Variants in XKR4 observed in about 807,000 individuals in gnomAD.
XKR4 encodes the protein XK-related protein 4.
A neutral mutation model predicts 53.9 loss-of-function variants in XKR4; 12 were observed. The observed-to-expected ratio is 0.22, with a 90% CI of 0.14 to 0.36. XKR4 has a LOEUF of 0.36. Ranked by LOEUF, XKR4 falls within the 10% of genes least tolerant of loss-of-function variation. The pLI is 1.00. For missense variants in XKR4, 799 were observed against 859.5 expected (o/e 0.93, Z 0.88); for synonymous variants, 354 against 362.4 (o/e 0.98, Z 0.26).
intron 1 of XKR4, among the ~76,000 whole-genome samples, chr8:55,286,038 C>T (rs943655678): frequency 3.3e-5 from 5 of 152,146 alleles, no homozygotes; most frequent in Non-Finnish European, 4.4e-5. Flanking sequence ...GTCTATCTGC[C>T]GAGCTGCACA....
At chr8:55,499,895 A>G (rs545808441) in intron 2 of XKR4, among the ~76,000 whole-genome samples, 4 of 152,282 alleles carry the variant, frequency 2.6e-5, no homozygotes, top group African/African-American at 7.2e-5. Context: ...GAATTTCTCA[A>G]TCCCTAGGTG....
chr8:55,147,607 C>T (rs1816788902), intron 1 of XKR4, among the ~76,000 whole-genome samples: 1 of 152,130 alleles, frequency 6.6e-6, no homozygotes, highest in Non-Finnish European at 1.5e-5. Flanking sequence ...CCTGCTTGTC[C>T]CTTTCCCAGG....
At chr8:55,230,494 G>A (rs1015451170) in intron 1 of XKR4, among the ~76,000 whole-genome samples, 3 of 151,518 alleles carry the variant, frequency 2.0e-5, no homozygotes, top group African/African-American at 7.3e-5. Context: ...TCAGCCTCCC[G>A]AGTAGCTGGG....
At chr8:55,498,657 C>G (rs2129403147) in intron 2 of XKR4, among the ~76,000 whole-genome samples, 1 of 152,260 alleles carries the variant, frequency 6.6e-6, no homozygotes, top group East Asian at 1.9e-4. Context: ...CCTGTAGTCC[C>G]AGCTACTCAG....
At chr8:55,349,248 C>T (rs913015270) in intron 1 of XKR4, among the ~76,000 whole-genome samples, 1 of 152,166 alleles carries the variant, frequency 6.6e-6, no homozygotes, top group Non-Finnish European at 1.5e-5. Context: ...TTGTTCAGAA[C>T]TGAAGTCCTT....
At chr8:55,521,184 T>C (rs1320892713) in intron 2 of XKR4, among the ~76,000 whole-genome samples, 3 of 152,170 alleles carry the variant, frequency 2.0e-5, no homozygotes, top group Non-Finnish European at 4.4e-5. Context: ...GGGAGCATAG[T>C]CTAGTGAGAA....
chr8:55,417,054 T>A (rs1201125186), intron 2 of XKR4, among the ~76,000 whole-genome samples: 1 of 152,178 alleles, frequency 6.6e-6, no homozygotes, highest in Non-Finnish European at 1.5e-5. Flanking sequence ...TCAGTACCTC[T>A]GAAGGTGGGA....
At chr8:55,142,362 G>A (rs1181055201) in intron 1 of XKR4, 4 of 350,594 alleles carry the variant, frequency 1.1e-5, no homozygotes, top group South Asian at 2.2e-5. Context: ...CCTGATTAAC[G>A]GTCTGTCCTG....
intron 2 of XKR4, among the ~76,000 whole-genome samples, chr8:55,496,093 A>G (rs1040771047): frequency 6.6e-6 from 1 of 152,220 alleles, no homozygotes; most frequent in Non-Finnish European, 1.5e-5. Flanking sequence ...CTTTGACGAT[A>G]TGGTCTGTAA....
At chr8:55,302,321 T>G (rs1819213192) in intron 1 of XKR4, among the ~76,000 whole-genome samples, 1 of 152,066 alleles carries the variant, frequency 6.6e-6, no homozygotes, top group Non-Finnish European at 1.5e-5. Context: ...TGTGGCATTA[T>G]TTCTGAGGGC....
In XKR4 at chr8:55,500,831, C is replaced by T. The variant is rs563883631; in HGVS notation, c.1007-22450C>T. Among the ~76,000 whole-genome samples the T allele has an allele frequency of 3.3e-5, 5 of 152,264 alleles. No individual in the cohort carries two copies. In the South Asian group the frequency reaches 8.3e-4, roughly 25 times the overall value. On this transcript the variant is annotated intron_variant, in intron 2 of 2. Transcript: ENST00000327381. ...GAGAATGCTGAAGCTCTGCATGCCA[C>T]GGAGCTATAGGTAGAACCAGCATTC...
At chr8:55,376,857 T>C (rs1207278652) in intron 2 of XKR4, among the ~76,000 whole-genome samples, 1 of 151,988 alleles carries the variant, frequency 6.6e-6, no homozygotes, top group East Asian at 1.9e-4. Flanking sequence ...TATTTCTTTC[T>C]ATTTTCTCAT....
At chr8:55,294,892 AAAACCTGTT>A (rs1333527495) in intron 1 of XKR4, among the ~76,000 whole-genome samples, 17 of 152,304 alleles carry the variant, frequency 1.1e-4, no homozygotes, top group Non-Finnish European at 2.4e-4. Flanking sequence ...AAATTCATGC[AAAACCTGTT>A]GAAAATATTA....
chr8:55,328,152 G>A (rs971615991), intron 1 of XKR4, among the ~76,000 whole-genome samples: 2 of 152,114 alleles, frequency 1.3e-5, no homozygotes, highest in East Asian at 1.9e-4. Context: ...CTCATGATCC[G>A]ATTACCTCCA....
At position 55,213,856 on chromosome 8, in the gene XKR4, C is replaced by CTTTTTTTTT. The variant is rs11433893; in HGVS notation, c.806+110581_806+110589dup. 6.2e-3 allele frequency among the ~76,000 whole-genome samples: 512 copies of CTTTTTTTTT among 82,356 alleles called. 5 individuals are homozygous for CTTTTTTTTT. The highest frequency in any genetic ancestry group is 0.012 in the East Asian group (25 of 2,126). The allele number at this position is 82,356 out of a possible 152,430, so 54.0% of individuals were successfully genotyped here. ...TTAATACTTCTTTTTTTCTTTCTTT[C>CTTTTTTTTT]TTTTTTTTTTTTTTTTTTTTTTTTT... On this transcript the variant is annotated intron_variant, in intron 1 of 2. Transcript: ENST00000327381.
intron 1 of XKR4, among the ~76,000 whole-genome samples, chr8:55,108,414 G>A (rs752026114): frequency 5.9e-5 from 9 of 152,148 alleles, no homozygotes; most frequent in Non-Finnish European, 1.0e-4. Context: ...ATGGCAGAAA[G>A]TTGAAAGCTT....
chr8:55,312,356 C>G (rs1051208802), intron 1 of XKR4, among the ~76,000 whole-genome samples: 21 of 152,058 alleles, frequency 1.4e-4, no homozygotes, highest in African/African-American at 5.1e-4. Context: ...TTTCAAGGTT[C>G]ATGGAATGAG....
rs564614074 is a variant in XKR4 at position 55,177,473 on chromosome 8, A to G, written c.806+74179A>G. Among the ~76,000 whole-genome samples the G allele has an allele frequency of 5.3e-5, 8 of 152,318 alleles. No homozygotes were observed. In the East Asian group the frequency reaches 1.5e-3, roughly 29 times the overall value. On this transcript the variant is annotated intron_variant, in intron 1 of 2. Transcript: ENST00000327381. ...GAGTGTAGCAGCACATAAGAATATC[A>G]GGAAGAGGATTGTGTGCCCACCTTT...
intron 1 of XKR4, among the ~76,000 whole-genome samples, chr8:55,333,765 A>G (rs1364279374): frequency 6.6e-6 from 1 of 152,152 alleles, no homozygotes; most frequent in Non-Finnish European, 1.5e-5. Flanking sequence ...AGAATGTTAC[A>G]AATTTGGTCT....
Sources: gnomAD v4.1 joint callset for allele counts (sites outside exome capture counted in the v4.1 genomes callset) on GRCh38, gnomAD v4.1.1 for gene constraint, MANE v1.5 for transcripts, NCBI Gene and HGNC (gene_info 2026-07-23, HGNC 2026-07-21) for gene names.